The following GALNT18 variants were observed in gnomAD, a reference collection of about 807,000 sequenced individuals.
The protein encoded by GALNT18 is polypeptide N-acetylgalactosaminyltransferase 18, also known as GalNAc-transferase 18.
A neutral mutation model predicts 69.5 loss-of-function variants in GALNT18; 44 were observed. That is an observed-to-expected ratio of 0.63 (90% CI 0.50 to 0.81). The LOEUF (loss-of-function observed/expected upper bound fraction) is 0.81, where lower values mean the gene tolerates loss of function less well. Ranked by LOEUF, GALNT18 falls within the 40% of genes least tolerant of loss-of-function variation. GALNT18 has a pLI of 0.00. For missense variants in GALNT18, 715 were observed against 810.0 expected (o/e 0.88, Z 1.42); for synonymous variants, 364 against 318.2 (o/e 1.14, Z -1.53).
rs1857833657 is a variant in GALNT18 at position 11,538,412 on chromosome 11, C to T, written c.235+82947G>A. Among the ~76,000 whole-genome samples the T allele has an allele frequency of 6.6e-6, 1 of 152,192 alleles. No homozygotes were observed. The highest frequency in any genetic ancestry group is 1.5e-5 in the Non-Finnish European group (1 of 68,034). On this transcript the variant is annotated intron_variant, in intron 1 of 10. Coordinates refer to ENST00000227756, the MANE Select transcript of GALNT18 (RefSeq NM_198516.3). The surrounding 1 kb of genome is among the most constrained non-coding windows in gnomAD (Gnocchi z 5.2). ...CAGCTGAGCCACCCGGGGTGTCTGT[C>T]CCCAGACGTGGACACCAGCCAACAT... is the stretch of plus-strand genomic sequence containing the variant.
At chr11:11,530,303 A>T (rs1340365397) in intron 1 of GALNT18, among the ~76,000 whole-genome samples, 1 of 152,180 alleles carries the variant, frequency 6.6e-6, no homozygotes, top group Non-Finnish European at 1.5e-5. Flanking sequence ...CCCTCTGTCC[A>T]CAGCAAACAG....
At position 11,396,192 on chromosome 11, in the gene GALNT18, T is replaced by C. The variant is rs1213921260; in HGVS notation, c.596-16928A>G. Among the ~76,000 whole-genome samples, 4 of 152,244 alleles carry C rather than the reference T, an allele frequency of 2.6e-5. No homozygotes were observed. The highest frequency in any genetic ancestry group is 5.9e-5 in the Non-Finnish European group (4 of 68,042). ...CTGTGTGATACATTCATTGCTTTTT[T>C]CTCACCGAATTTGAAAGAGCAAAGA... On this transcript the variant is annotated intron_variant, in intron 3 of 10. Coordinates refer to ENST00000227756, the MANE Select transcript of GALNT18 (RefSeq NM_198516.3). This position sits in a 1 kb window ranked among gnomAD's most constrained non-coding sequence, Gnocchi z 5.2.
chr11:11,301,896 C>A (rs1200948139), intron 9 of GALNT18, among the ~76,000 whole-genome samples: 2 of 152,184 alleles, frequency 1.3e-5, no homozygotes, highest in African/African-American at 2.4e-5. Flanking sequence ...AGGCTTATAA[C>A]AGATGAGTGG....
intron 1 of GALNT18, among the ~76,000 whole-genome samples, chr11:11,539,964 G>A (rs1426075572): frequency 6.6e-6 from 1 of 152,210 alleles, no homozygotes; most frequent in Non-Finnish European, 1.5e-5. Context: ...CAGGGGTAAA[G>A]GGCACCTGGA....
intron 1 of GALNT18, among the ~76,000 whole-genome samples, chr11:11,548,099 C>G (rs989761260): frequency 6.6e-6 from 1 of 152,200 alleles, no homozygotes; most frequent in African/African-American, 2.4e-5. Flanking sequence ...CAGGACAGAC[C>G]TTTACCATTT....
chr11:11,305,824 C>T (rs781747655), intron 9 of GALNT18, among the ~76,000 whole-genome samples: 3 of 152,174 alleles, frequency 2.0e-5, no homozygotes, highest in Non-Finnish European at 4.4e-5. Flanking sequence ...TATTAATGAA[C>T]CTCTGCTTAT....
intron 8 of GALNT18, among the ~76,000 whole-genome samples, chr11:11,327,604 C>A (rs771377492): frequency 2.0e-4 from 30 of 152,236 alleles, no homozygotes; most frequent in Non-Finnish European, 3.2e-4. Flanking sequence ...ACCAGACGCT[C>A]TCTGCCTCCT....
Position 11,470,975 on chromosome 11 carries a change from C to G in GALNT18, c.236-22039G>C, listed in dbSNP as rs556687464. ...TTCTCCCCATTCATACTCAGGGGCC[C>G]GGGCACATCAATATCCCTCTTTCTC... On this transcript the variant is annotated intron_variant, in intron 1 of 10. Coordinates refer to ENST00000227756, the MANE Select transcript of GALNT18 (RefSeq NM_198516.3). This position sits in a 1 kb window ranked among gnomAD's most constrained non-coding sequence, Gnocchi z 4.8. Among the ~76,000 whole-genome samples the G allele has an allele frequency of 6.6e-6, 1 of 152,244 alleles. No individual in the cohort carries two copies. The highest frequency in any genetic ancestry group is 6.5e-5 in the Admixed American group (1 of 15,284).
intron 1 of GALNT18, among the ~76,000 whole-genome samples, chr11:11,572,566 T>C (rs1433257305): frequency 6.6e-6 from 1 of 152,192 alleles, no homozygotes; most frequent in Non-Finnish European, 1.5e-5. Flanking sequence ...GCCAGTGCTG[T>C]GTCTGTGTGA....
At chr11:11,274,345 C>T (rs145692295) in intron 10 of GALNT18, among the ~76,000 whole-genome samples, 92 of 152,236 alleles carry the variant, frequency 6.0e-4, no homozygotes, top group African/African-American at 7.5e-4. Flanking sequence ...GTGACAGAAC[C>T]GTTCACTCTC....
At chr11:11,608,657 G>A (rs1859813430) in intron 1 of GALNT18, among the ~76,000 whole-genome samples, 1 of 152,070 alleles carries the variant, frequency 6.6e-6, no homozygotes, top group South Asian at 2.1e-4. Flanking sequence ...CACAGCACCT[G>A]GCCGATTGTC....
At position 11,436,960 on chromosome 11, in the gene GALNT18, G is replaced by T. The variant is rs963578699; in HGVS notation, c.429-4173C>A. Among the ~76,000 whole-genome samples, 2 of 152,180 alleles carry T rather than the reference G, an allele frequency of 1.3e-5. No homozygotes were observed. Among genetic ancestry groups the T allele is most frequent in the Non-Finnish European group, 2.9e-5 (2 of 68,032 alleles). On this transcript the variant is annotated intron_variant, in intron 2 of 10. Transcript: ENST00000227756. This position sits in a 1 kb window ranked among gnomAD's most constrained non-coding sequence, Gnocchi z 4.5. Reference sequence around the variant, plus strand: ...CCCAGTGGCCTTTGCTCCCAAATCTGTACTGCTAAGATGCCCTCCCAGAGC... The same window carrying T: ...CCCAGTGGCCTTTGCTCCCAAATCTTTACTGCTAAGATGCCCTCCCAGAGC...
Position 11,616,397 on chromosome 11 carries a change from C to A in GALNT18, c.235+4962G>T, listed in dbSNP as rs544752709. On this transcript the variant is annotated intron_variant, in intron 1 of 10. Coordinates refer to ENST00000227756, the MANE Select transcript of GALNT18 (RefSeq NM_198516.3). This position sits in a 1 kb window ranked among gnomAD's most constrained non-coding sequence, Gnocchi z 4.4. Reference sequence around the variant, plus strand: ...AAGCCTTTCCTTCTGAAAAAACAATCTTTCATAAAAATGTTCAGACTCTTT... The same window carrying A: ...AAGCCTTTCCTTCTGAAAAAACAATATTTCATAAAAATGTTCAGACTCTTT... 6.6e-6 allele frequency among the ~76,000 whole-genome samples: 1 copy of A among 152,264 alleles called. No individual in the cohort carries two copies. The highest frequency in any genetic ancestry group is 1.9e-4 in the East Asian group (1 of 5,184).
Position 11,540,085 on chromosome 11 carries a change from C to T in GALNT18, c.235+81274G>A, listed in dbSNP as rs1017708069. Among the ~76,000 whole-genome samples the T allele has an allele frequency of 1.3e-5, 2 of 152,198 alleles. No homozygotes were observed. The highest frequency in any genetic ancestry group is 2.9e-5 in the Non-Finnish European group (2 of 68,032). On this transcript the variant is annotated intron_variant, in intron 1 of 10. Coordinates refer to ENST00000227756, the MANE Select transcript of GALNT18 (RefSeq NM_198516.3). This position sits in a 1 kb window ranked among gnomAD's most constrained non-coding sequence, Gnocchi z 4.6. Reference sequence around the variant, plus strand: ...GCTGGCACCCCAGCCCCACCCACCACCATCTCTCTGGGCCTCGGTTTCTTT... The same window carrying T: ...GCTGGCACCCCAGCCCCACCCACCATCATCTCTCTGGGCCTCGGTTTCTTT...
chr11:11,578,833 TA>T (rs1858998080), intron 1 of GALNT18, among the ~76,000 whole-genome samples: 1 of 152,234 alleles, frequency 6.6e-6, no homozygotes, highest in Non-Finnish European at 1.5e-5. Context: ...AACCTTTCCC[TA>T]ACAGCTCTTT....
rs367707162 is a variant in GALNT18, at chr11:11,567,184, C to G, written c.235+54175G>C. 7.9e-5 allele frequency among the ~76,000 whole-genome samples: 12 copies of G among 152,288 alleles called. No homozygotes were observed. The East Asian group carries it at 1.9e-3, about 25-fold the overall frequency. On this transcript the variant is annotated intron_variant, in intron 1 of 10. Transcript: ENST00000227756. The stretch of plus-strand genomic sequence containing the variant: ...GTCTGATCAAAGGCCACCTGGAAGC[C>G]TATAGGTGATTTATGTGAAGGTTTC...
At chr11:11,378,372 C>T (rs1853825408) in intron 4 of GALNT18, among the ~76,000 whole-genome samples, 1 of 152,188 alleles carries the variant, frequency 6.6e-6, no homozygotes, top group African/African-American at 2.4e-5. Context: ...ATGGTCATTG[C>T]CAGAGCCTGT....
rs118087197 is a variant in GALNT18 at position 11,312,749 on chromosome 11, T to C, written c.1512+14337A>G. On this transcript the variant is annotated intron_variant, in intron 9 of 10. Coordinates refer to ENST00000227756, the MANE Select transcript of GALNT18 (RefSeq NM_198516.3). ...CAAAGGCTGCGTGTCTGCAGGCTGC[T>C]AGGAGGGCTCTGTGAGGAAGACTGG... is the stretch of plus-strand genomic sequence containing the variant. 4.0e-3 allele frequency among the ~76,000 whole-genome samples: 607 copies of C among 152,322 alleles called. 2 individuals are homozygous for C. The highest frequency in any genetic ancestry group is 5.6e-3 in the Non-Finnish European group (384 of 68,018).
intron 1 of GALNT18, among the ~76,000 whole-genome samples, chr11:11,566,402 G>C (rs531657477): frequency 1.3e-5 from 2 of 152,272 alleles, no homozygotes; most frequent in East Asian, 3.9e-4. Flanking sequence ...AACATCCTTG[G>C]GACCAGCAGG....
Sources: allele counts gnomAD v4.1 joint callset (sites outside exome capture counted in the v4.1 genomes callset), GRCh38; gene constraint gnomAD v4.1.1; non-coding constraint Gnocchi (gnomAD v3.1); transcripts MANE v1.5; gene names NCBI Gene and HGNC (gene_info 2026-07-23, HGNC 2026-07-21).